Variants in ITPR2 observed in about 807,000 individuals in gnomAD.
ITPR2 encodes inositol 1,4,5-trisphosphate receptor type 2.
In ITPR2, 207 loss-of-function variants were observed where a neutral mutation model predicts 317.1. That is an observed-to-expected ratio of 0.65 (90% CI 0.58 to 0.73). The LOEUF (loss-of-function observed/expected upper bound fraction) is 0.73. Among genes scored for constraint, ITPR2 ranks in the 30% least tolerant of loss-of-function variants. The pLI, the probability that ITPR2 is intolerant of heterozygous loss-of-function variation, is 0.00. For synonymous variants in ITPR2, 1,156 were observed against 1,149.1 expected (o/e 1.01, Z -0.12); for missense variants, 2,613 against 3,284.0 (o/e 0.80, Z 4.99).
intron 2 of ITPR2, among the ~76,000 whole-genome samples, chr12:26,727,329 T>C (rs1275229333): frequency 6.6e-6 from 1 of 152,174 alleles, no homozygotes; most frequent in Admixed American, 6.5e-5. Context: ...CAAAACTCTA[T>C]ACTGTCTGCA....
intron 2 of ITPR2, among the ~76,000 whole-genome samples, chr12:26,768,716 T>C (rs188674457): frequency 1.1e-4 from 17 of 151,682 alleles, no homozygotes; most frequent in Admixed American, 1.1e-3. Context: ...TATGCAGATA[T>C]AATCAGAGTT....
At chr12:26,822,928 A>G (rs983048788) in intron 1 of ITPR2, among the ~76,000 whole-genome samples, 4 of 152,108 alleles carry the variant, frequency 2.6e-5, no homozygotes, top group African/African-American at 9.7e-5. Context: ...AGTTTTTTGG[A>G]GCTATTAAAA....
At chr12:26,630,497 G>A (rs1946725323) in intron 22 of ITPR2, 1 of 152,098 alleles carries the variant, frequency 6.6e-6, no homozygotes, top group South Asian at 2.1e-4. Flanking sequence ...ACAAGGCACA[G>A]GACCTTGAAG....
Position 26,716,326 on chromosome 12 carries a change from T to C in ITPR2, c.526-84A>G, listed in dbSNP as rs567541991. 684 of 782,282 alleles carry C rather than the reference T, an allele frequency of 8.7e-4. 2 individuals are homozygous for C. Among genetic ancestry groups the C allele is most frequent in the East Asian group, 2.1e-3 (84 of 39,070 alleles). 48.5% of individuals were successfully genotyped at this position (782,282 alleles called of 1,614,324 possible). ...GAAGCTAGAAATAACTGCACAGGAG[T>C]CCCCATTATTGATCTGACATCTGGT... On this transcript the variant is annotated intron_variant, in intron 5 of 56. Coordinates refer to ENST00000381340, the MANE Select transcript of ITPR2 (RefSeq NM_002223.4).
chr12:26,405,350 T>C (rs1940315303), intron 52 of ITPR2, among the ~76,000 whole-genome samples: 1 of 152,192 alleles, frequency 6.6e-6, no homozygotes, highest in Admixed American at 6.5e-5. Flanking sequence ...TACTGAGAGA[T>C]AGTGGTTAAA....
chr12:26,587,027 T>C (rs1214703041), intron 32 of ITPR2, among the ~76,000 whole-genome samples: 3 of 151,498 alleles, frequency 2.0e-5, no homozygotes, highest in Admixed American at 2.0e-4. Flanking sequence ...ATTAATATAT[T>C]ATATATGCAA....
rs74513686 is a variant in ITPR2, at chr12:26,533,007, T to A, written c.5073+17240A>T. On this transcript the variant is annotated intron_variant, in intron 37 of 56. Transcript: ENST00000381340. ...GGCCCAGAATAATTCTTTAATTTAA[T>A]TTGTAGCAAATAGAAAACCCCAAAG... Among the ~76,000 whole-genome samples, 635 of 152,294 alleles carry A rather than the reference T, an allele frequency of 4.2e-3. 4 individuals carry two copies. Among genetic ancestry groups the A allele is most frequent in the African/African-American group, 0.014 (596 of 41,568 alleles).
chr12:26,509,873 T>C (rs1943284998), intron 37 of ITPR2, among the ~76,000 whole-genome samples: 1 of 151,460 alleles, frequency 6.6e-6, no homozygotes, highest in South Asian at 2.1e-4. Flanking sequence ...GAAATTATGG[T>C]TCACAAAATA....
chr12:26,738,987 G>A (rs11614123), intron 2 of ITPR2, among the ~76,000 whole-genome samples: 24,572 of 152,152 alleles, frequency 0.16, 2,757 homozygotes, highest in Non-Finnish European at 0.24. Flanking sequence ...AATAAAAGAA[G>A]ACATACAATC....
At chr12:26,677,400 G>A (rs750781456) in intron 13 of ITPR2, among the ~76,000 whole-genome samples, 6 of 152,102 alleles carry the variant, frequency 3.9e-5, no homozygotes, top group Non-Finnish European at 8.8e-5. Context: ...AGGAGTTTCA[G>A]ATTAGCCTGG....
At chr12:26,603,889 T>A (rs538046184) in intron 26 of ITPR2, among the ~76,000 whole-genome samples, 32 of 152,300 alleles carry the variant, frequency 2.1e-4, no homozygotes, top group African/African-American at 6.7e-4. Flanking sequence ...TGGGGTCTGA[T>A]GGCCTCCCTT....
chr12:26,816,955 G>C (rs541945262), intron 1 of ITPR2, among the ~76,000 whole-genome samples: 1 of 151,846 alleles, frequency 6.6e-6, no homozygotes, highest in African/African-American at 2.4e-5. Flanking sequence ...CAAGGTGGGC[G>C]GATCACGAGG....
intron 48 of ITPR2, among the ~76,000 whole-genome samples, chr12:26,431,422 G>A (rs1941204959): frequency 6.6e-6 from 1 of 152,162 alleles, no homozygotes; most frequent in East Asian, 1.9e-4. Flanking sequence ...CGCAACCAGT[G>A]TAGCCTCATT....
chr12:26,340,433 C>G lies in ITPR2; in HGVS notation c.7858-105G>C, dbSNP rs115300675. On this transcript the variant is annotated intron_variant, in intron 55 of 56. Transcript: ENST00000381340. ...ATTTAAACCAAAGTCTCTTAGCACT[C>G]AAATTGGAGAGAGAAAACCTGGCAT... 438 of 1,179,418 alleles carry G rather than the reference C, an allele frequency of 3.7e-4. No individual in the cohort carries two copies. In the African/African-American group the frequency reaches 6.3e-3, roughly 17 times the overall value. 73.1% of individuals were successfully genotyped at this position (1,179,418 alleles called of 1,614,324 possible).
intron 10 of ITPR2, among the ~76,000 whole-genome samples, chr12:26,688,298 C>T (rs1463067775): frequency 6.6e-6 from 1 of 152,148 alleles, no homozygotes; most frequent in African/African-American, 2.4e-5. Context: ...TGCTTGGCCT[C>T]CCAAAGGCTG....
At chr12:26,829,255 C>A (rs1019932390) in intron 1 of ITPR2, among the ~76,000 whole-genome samples, 1 of 152,124 alleles carries the variant, frequency 6.6e-6, no homozygotes, top group African/African-American at 2.4e-5. Flanking sequence ...TTCTGCACTG[C>A]CCTGTTTTCA....
chr12:26,635,134 T>A (rs2136843666), intron 21 of ITPR2, among the ~76,000 whole-genome samples: 1 of 152,258 alleles, frequency 6.6e-6, no homozygotes, highest in South Asian at 2.1e-4. Context: ...TTCAGGAAAG[T>A]GAAAAGCAAT....
chr12:26,494,281 G>C lies in ITPR2; in HGVS notation c.5242C>G (p.Leu1748Val), dbSNP rs1342827652. The C allele has an allele frequency of 6.2e-7, 1 of 1,613,136 alleles. No individual in the cohort carries two copies. The highest frequency in any genetic ancestry group is 2.2e-5 in the East Asian group (1 of 44,758). Residue 1748 changes from leucine to valine, a missense_variant, in exon 39 of 57, where the codon CTG (leucine) becomes GTG (valine). Physicochemically the swap from Leu to Val is conservative, Grantham distance 32 (BLOSUM62 1). Transcript: ENST00000381340. The part of the protein sequence containing the change: ...MGISMSDIQC[L>V]LDKEGASELV... ...TCTGATGCACCTTCTTTATCCAGCA[G>C]ACACTGAATGTCTGACATTGATATC...
chr12:26,338,425 C>T lies in ITPR2; in HGVS notation c.*972G>A, dbSNP rs948752115. 8.5e-5 allele frequency: 13 copies of T among 152,378 alleles called. No homozygotes were observed. Among genetic ancestry groups the T allele is most frequent in the African/African-American group, 2.9e-4 (12 of 41,350 alleles). The allele number at this position is 152,378 out of a possible 1,614,324, so 9.4% of individuals were successfully genotyped here. A position where few individuals can be genotyped will look rare whatever the true frequency, so the allele number is the denominator to read the frequency against. On this transcript the variant is annotated 3_prime_UTR_variant, in exon 57 of 57. Coordinates refer to ENST00000381340, the MANE Select transcript of ITPR2 (RefSeq NM_002223.4). ...ACTGCAGGAACAGCATACATAAAAA[C>T]GCTCGGGTCCTGAAGCAATTCTTTA...
Sources: gnomAD v4.1 joint callset for allele counts (sites outside exome capture counted in the v4.1 genomes callset) on GRCh38, gnomAD v4.1.1 for gene constraint, MANE v1.5 for transcripts, NCBI Gene and HGNC (gene_info 2026-07-23, HGNC 2026-07-21) for gene names.